Variants in CNTN5 observed in about 807,000 individuals in gnomAD.
CNTN5 encodes contactin 5.
A neutral mutation model predicts 129.1 loss-of-function variants in CNTN5; 77 were observed. That is an observed-to-expected ratio of 0.60 (90% confidence interval 0.50 to 0.72). CNTN5 has a LOEUF of 0.72. Among genes scored for constraint, CNTN5 ranks in the 30% least tolerant of loss-of-function variants. The probability of loss-of-function intolerance (pLI) is 0.00; values close to 1 mark genes in which losing one functional copy is unlikely to be tolerated. For missense variants in CNTN5, 1,478 were observed against 1,328.8 expected (o/e 1.11, Z -1.75); for synonymous variants, 509 against 465.6 (o/e 1.09, Z -1.20).
At chr11:99,602,722 T>C (rs982880035) in intron 3 of CNTN5, among the ~76,000 whole-genome samples, 1 of 150,766 alleles carries the variant, frequency 6.6e-6, no homozygotes, top group Non-Finnish European at 1.5e-5. Context: ...AAGAGAGCAG[T>C]GGTTCTCCCA....
chr11:100,075,533 A>C (rs1399333557), intron 13 of CNTN5, among the ~76,000 whole-genome samples: 1 of 152,196 alleles, frequency 6.6e-6, no homozygotes, highest in East Asian at 1.9e-4. Context: ...GCTTAGGTTC[A>C]GTGAAGAATA....
At chr11:100,326,597 C>A (rs768262388) in intron 21 of CNTN5, among the ~76,000 whole-genome samples, 21 of 152,202 alleles carry the variant, frequency 1.4e-4, no homozygotes, top group Non-Finnish European at 2.5e-4. Flanking sequence ...TCCACACTAA[C>A]CCGTTTCCAA....
At chr11:99,951,939 A>T (rs1276674211) in intron 7 of CNTN5, among the ~76,000 whole-genome samples, 2 of 152,202 alleles carry the variant, frequency 1.3e-5, no homozygotes, top group African/African-American at 4.8e-5. Flanking sequence ...TCAAATATGC[A>T]TTTATTCACC....
At chr11:99,251,009 C>G (rs1277586997) in intron 1 of CNTN5, among the ~76,000 whole-genome samples, 1 of 151,906 alleles carries the variant, frequency 6.6e-6, no homozygotes, top group Admixed American at 6.6e-5. Flanking sequence ...TTGATAGCTA[C>G]TTTCTAAAAT....
intron 10 of CNTN5, among the ~76,000 whole-genome samples, chr11:100,062,715 G>A (rs1275920087): frequency 6.6e-6 from 1 of 152,156 alleles, no homozygotes; most frequent in African/African-American, 2.4e-5. Flanking sequence ...GCATCTGGAA[G>A]AAAAGGACAT....
chr11:99,422,521 TATATATATA>T (rs1565569224), intron 2 of CNTN5, among the ~76,000 whole-genome samples: 1 of 10,308 alleles, frequency 9.7e-5, no homozygotes, highest in Non-Finnish European at 1.8e-4. Flanking sequence ...TATATTTTTA[TATATATATA>T]TATATATATA....
intron 1 of CNTN5, among the ~76,000 whole-genome samples, chr11:99,034,876 A>G (rs199714361): frequency 0.029 from 4,098 of 139,730 alleles, 101 homozygotes; most frequent in East Asian, 0.076. Context: ...TGTCAGTTTT[A>G]GATCTTTCCT....
intron 1 of CNTN5, among the ~76,000 whole-genome samples, chr11:99,151,323 A>C (rs1161301925): frequency 6.6e-6 from 1 of 152,118 alleles, no homozygotes; most frequent in East Asian, 1.9e-4. Context: ...GGATGGAGAG[A>C]AAATGAGAAA....
chr11:99,932,106 G>T (rs1484786058), intron 7 of CNTN5, among the ~76,000 whole-genome samples: 2 of 151,912 alleles, frequency 1.3e-5, no homozygotes, highest in Admixed American at 6.6e-5. Flanking sequence ...ATTTTTTTCA[G>T]CTTCCTTGCC....
intron 3 of CNTN5, among the ~76,000 whole-genome samples, chr11:99,724,184 T>G (rs1943263376): frequency 6.6e-6 from 1 of 152,194 alleles, no homozygotes; most frequent in Admixed American, 6.5e-5. Flanking sequence ...GTCTTATGCC[T>G]ATTGAAATCC....
intron 3 of CNTN5, among the ~76,000 whole-genome samples, chr11:99,794,404 G>A (rs1005793975): frequency 2.0e-5 from 3 of 151,942 alleles, no homozygotes; most frequent in South Asian, 2.1e-4. Context: ...TTTTATTGGG[G>A]CATTTTGCCT....
intron 1 of CNTN5, among the ~76,000 whole-genome samples, chr11:99,246,054 T>G (rs1032587565): frequency 1.3e-5 from 2 of 152,138 alleles, no homozygotes; most frequent in Non-Finnish European, 2.9e-5. Flanking sequence ...ATAAACTTGG[T>G]TAGTTGAGCC....
chr11:99,893,170 C>T (rs1949109881), intron 6 of CNTN5, among the ~76,000 whole-genome samples: 1 of 152,052 alleles, frequency 6.6e-6, no homozygotes, highest in Non-Finnish European at 1.5e-5. Context: ...AATGCCTTTA[C>T]ATCAAAAAGG....
intron 3 of CNTN5, among the ~76,000 whole-genome samples, chr11:99,644,091 C>A (rs1419131333): frequency 6.6e-6 from 1 of 152,074 alleles, no homozygotes; most frequent in African/African-American, 2.4e-5. Context: ...CTACTTACAC[C>A]TTCATGTGTT....
intron 1 of CNTN5, among the ~76,000 whole-genome samples, chr11:99,267,538 A>G (rs1273573604): frequency 6.6e-6 from 1 of 151,996 alleles, no homozygotes; most frequent in Non-Finnish European, 1.5e-5. Flanking sequence ...TTCATGTGAT[A>G]GTAGGAGCCT....
chr11:99,398,554 A>G (rs975878753), intron 2 of CNTN5, among the ~76,000 whole-genome samples: 4 of 151,910 alleles, frequency 2.6e-5, no homozygotes, highest in Admixed American at 6.6e-5. Flanking sequence ...ATCACTTACC[A>G]TCCCTATTTT....
intron 2 of CNTN5, among the ~76,000 whole-genome samples, chr11:99,542,134 AG>A (rs774201590): frequency 1.3e-5 from 2 of 152,116 alleles, no homozygotes; most frequent in Non-Finnish European, 2.9e-5. Flanking sequence ...TGATTAATGC[AG>A]GGTAATTAAC....
chr11:99,446,620 C>G (rs551149585), intron 2 of CNTN5, among the ~76,000 whole-genome samples: 3 of 152,216 alleles, frequency 2.0e-5, no homozygotes, highest in Non-Finnish European at 2.9e-5. Context: ...GGTCTGTATG[C>G]TAAATGAATG....
At chr11:99,883,014 C>G (rs945275184) in intron 6 of CNTN5, among the ~76,000 whole-genome samples, 8 of 152,202 alleles carry the variant, frequency 5.3e-5, no homozygotes, top group Non-Finnish European at 7.3e-5. Context: ...ATAACAACCT[C>G]TAGTTCCATC....
Sources: allele counts gnomAD v4.1 joint callset (sites outside exome capture counted in the v4.1 genomes callset), GRCh38; gene constraint gnomAD v4.1.1; transcripts MANE v1.5; gene names NCBI Gene and HGNC (gene_info 2026-07-23, HGNC 2026-07-21).